Variants in METAP1D observed in about 807,000 individuals in gnomAD.
The protein encoded by METAP1D is methionyl aminopeptidase type 1D, mitochondrial.
METAP1D carries 31 observed loss-of-function variants against 40.5 expected under a neutral mutation model. The observed-to-expected ratio is 0.77, with a 90% CI of 0.58 to 1.03. METAP1D has a LOEUF of 1.03. Ranked by LOEUF, METAP1D falls within the 50% of genes least tolerant of loss-of-function variation. The pLI is 0.00. For missense variants in METAP1D, 411 were observed against 420.7 expected (o/e 0.98, Z 0.20); for synonymous variants, 151 against 146.4 (o/e 1.03, Z -0.22).
At chr2:172,071,740 G>A (rs1690426194) in intron 6 of METAP1D, among the ~76,000 whole-genome samples, 1 of 152,230 alleles carries the variant, frequency 6.6e-6, no homozygotes, top group Non-Finnish European at 1.5e-5. Flanking sequence ...CTGTTTTGAA[G>A]TAGACATGCC....
chr2:172,058,080 C>G (rs545407534), intron 1 of METAP1D, among the ~76,000 whole-genome samples: 2 of 152,006 alleles, frequency 1.3e-5, no homozygotes, highest in Admixed American at 1.3e-4. Context: ...TAGCTGGACT[C>G]CTGAGTAGCT....
chr2:172,079,321 G>A (rs916852713), intron 8 of METAP1D, 59 bp downstream of exon 8: 31 of 1,553,434 alleles, frequency 2.0e-5, no homozygotes, highest in Admixed American at 3.3e-5. Context: ...TTTTGCCACT[G>A]GCCTAGGCCC....
intron 1 of METAP1D, among the ~76,000 whole-genome samples, chr2:172,027,556 A>G (rs1204168297): frequency 2.0e-5 from 3 of 152,244 alleles, no homozygotes; most frequent in Non-Finnish European, 2.9e-5. Context: ...TGCATTTCTC[A>G]GAATGTATCC....
chr2:172,062,488 TC>T (rs1690162250), intron 2 of METAP1D, among the ~76,000 whole-genome samples: 1 of 152,316 alleles, frequency 6.6e-6, no homozygotes, highest in East Asian at 1.9e-4. Flanking sequence ...GAAAAAGAAA[TC>T]TCTGGTGAGG....
chr2:172,071,477 A>G (rs774418346), intron 6 of METAP1D, among the ~76,000 whole-genome samples: 1 of 152,176 alleles, frequency 6.6e-6, no homozygotes, highest in Non-Finnish European at 1.5e-5. Flanking sequence ...AGTGAAATGT[A>G]TTTCTGTGAT....
At chr2:172,022,371 T>C (rs1689028509) in intron 1 of METAP1D, among the ~76,000 whole-genome samples, 1 of 152,122 alleles carries the variant, frequency 6.6e-6, no homozygotes, top group African/African-American at 2.4e-5. Flanking sequence ...TGGTAACTAA[T>C]GGAGGGAAAT....
intron 1 of METAP1D, among the ~76,000 whole-genome samples, chr2:172,031,684 A>C (rs17500114): frequency 0.18 from 27,476 of 152,202 alleles, 2,797 homozygotes; most frequent in South Asian, 0.26. Context: ...CAAGAATACA[A>C]AGTAGCTTTA....
chr2:172,069,771 C>G (rs1020636298), intron 5 of METAP1D, among the ~76,000 whole-genome samples: 1 of 152,144 alleles, frequency 6.6e-6, no homozygotes, highest in South Asian at 2.1e-4. Flanking sequence ...CTGAATCTAC[C>G]TCTATATTCT....
At chr2:172,066,344 T>G (rs1378215291) in intron 5 of METAP1D, 38 bp downstream of exon 5, 2 of 1,526,920 alleles carry the variant, frequency 1.3e-6, no homozygotes, top group Admixed American at 1.7e-5. Context: ...TTGATCAACT[T>G]CAGAATTGCT....
At chr2:172,009,751 T>C (rs978792603) in intron 1 of METAP1D, among the ~76,000 whole-genome samples, 2 of 152,098 alleles carry the variant, frequency 1.3e-5, no homozygotes, top group East Asian at 3.9e-4. Flanking sequence ...GTGTTCTGAA[T>C]GTATTGGAGA....
rs774030929 is a variant in METAP1D, at chr2:172,080,421, G to T, written c.*15G>T. The T allele has an allele frequency of 2.5e-6, 4 of 1,613,614 alleles. No homozygotes were observed. The highest frequency in any genetic ancestry group is 1.1e-5 in the South Asian group (1 of 91,072). Reference sequence around the variant, plus strand: ...ATGAGGCCTGAGGAGCCGCCCGAAGGTCGCGGTGACCTGGTGCCTTTTTAA... The same window carrying T: ...ATGAGGCCTGAGGAGCCGCCCGAAGTTCGCGGTGACCTGGTGCCTTTTTAA... On this transcript the variant is annotated 3_prime_UTR_variant, in exon 10 of 10. Coordinates refer to ENST00000315796, the MANE Select transcript of METAP1D (RefSeq NM_199227.3).
At chr2:172,067,308 G>A (rs1690306323) in intron 5 of METAP1D, among the ~76,000 whole-genome samples, 1 of 152,086 alleles carries the variant, frequency 6.6e-6, no homozygotes, top group Non-Finnish European at 1.5e-5. Context: ...AGTAGGAGTG[G>A]GAATGAGATA....
At chr2:172,036,522 C>A (rs1199774559) in intron 1 of METAP1D, among the ~76,000 whole-genome samples, 1 of 151,066 alleles carries the variant, frequency 6.6e-6, no homozygotes, top group African/African-American at 2.4e-5. Flanking sequence ...CCTGCCACCA[C>A]GCCCGGCTAA....
At chr2:172,006,276 C>G (rs530775956) in intron 1 of METAP1D, among the ~76,000 whole-genome samples, 22 of 152,042 alleles carry the variant, frequency 1.4e-4, no homozygotes, top group African/African-American at 5.3e-4. Context: ...CTCCGCCTCC[C>G]AGGTTCATGC....
intron 2 of METAP1D, among the ~76,000 whole-genome samples, chr2:172,063,353 T>C (rs1411987786): frequency 2.0e-5 from 3 of 152,190 alleles, no homozygotes; most frequent in Non-Finnish European, 4.4e-5. Context: ...AACCATTTGG[T>C]GAATTGGAAG....
At chr2:172,045,749 ATGTATATATGTG>A (rs1315905501) in intron 1 of METAP1D, among the ~76,000 whole-genome samples, 2 of 89,228 alleles carry the variant, frequency 2.2e-5, no homozygotes, top group Non-Finnish European at 5.1e-5. Context: ...ATGTGTATAT[ATGTATATATGTG>A]TGTATATATG....
At chr2:172,018,193 T>C (rs1403949863) in intron 1 of METAP1D, among the ~76,000 whole-genome samples, 2 of 145,282 alleles carry the variant, frequency 1.4e-5, no homozygotes, top group East Asian at 4.1e-4. Flanking sequence ...ATGACACGTA[T>C]AAGGGCAATA....
At chr2:172,036,233 C>T (rs1230081039) in intron 1 of METAP1D, among the ~76,000 whole-genome samples, 6 of 147,574 alleles carry the variant, frequency 4.1e-5, no homozygotes, top group East Asian at 2.1e-4. Context: ...AGGAGAATGG[C>T]GTGAACCCGG....
At chr2:172,010,142 CTT>C (rs570964028) in intron 1 of METAP1D, among the ~76,000 whole-genome samples, 66 of 134,234 alleles carry the variant, frequency 4.9e-4, no homozygotes, top group Admixed American at 5.2e-4. Context: ...TTTGTCCCTT[CTT>C]TTTTTTTTTT....
Sources: allele counts gnomAD v4.1 joint callset (sites outside exome capture counted in the v4.1 genomes callset), GRCh38; gene constraint gnomAD v4.1.1; transcripts MANE v1.5; gene names NCBI Gene and HGNC (gene_info 2026-07-23, HGNC 2026-07-21).